The following MPDZ variants were observed in gnomAD, a reference collection of about 807,000 sequenced individuals.
MPDZ encodes the protein multiple PDZ domain crumbs cell polarity complex component, also known as multiple PDZ domain protein.
Under a neutral mutation model 239.1 loss-of-function variants are expected in MPDZ, and 234 were observed. That is an observed-to-expected ratio of 0.98 (90% CI 0.88 to 1.09). The LOEUF is 1.09. Ranked by LOEUF, MPDZ falls within the 50% of genes least tolerant of loss-of-function variation. The probability of loss-of-function intolerance (pLI) is 0.00; values close to 1 mark genes in which losing one functional copy is unlikely to be tolerated. For synonymous variants in MPDZ, 1,048 were observed against 881.3 expected (o/e 1.19, Z -3.35); for missense variants, 3,175 against 2,510.0 (o/e 1.26, Z -5.66).
At chr9:13,189,066 T>A (rs959910722) in intron 16 of MPDZ, 73 bp from the exon 17 acceptor site, 5 of 1,287,628 alleles carry the variant, frequency 3.9e-6, no homozygotes, top group Non-Finnish European at 1.1e-6. Flanking sequence ...CCACTCTAAA[T>A]CGTAACGAAT....
In MPDZ at chr9:13,136,320, GTTTTCTTT is replaced by G. The variant is rs1464078357; in HGVS notation, c.4293-146_4293-139del. Reference sequence around the variant, plus strand: ...CTGTGACACTTACAAATTTACAAACGTTTTCTTTTTTTTTTTTTTTTTTTTTTTTGAGA... The same window carrying G: ...CTGTGACACTTACAAATTTACAAACGTTTTTTTTTTTTTTTTTTTTTGAGA... On this transcript the variant is annotated intron_variant, in intron 30 of 46. Transcript: ENST00000319217. The G allele has an allele frequency of 2.1e-4, 41 of 194,642 alleles. 1 individual carries two copies. The highest frequency in any genetic ancestry group is 2.0e-4 in the Non-Finnish European group (24 of 121,122). The allele number at this position is 194,642 out of a possible 1,614,324, so 12.1% of individuals were successfully genotyped here.
chr9:13,129,437 T>G (rs1945612476), intron 32 of MPDZ, among the ~76,000 whole-genome samples: 1 of 151,476 alleles, frequency 6.6e-6, no homozygotes, highest in Non-Finnish European at 1.5e-5. Flanking sequence ...CATTCCAGCC[T>G]GGGCAACAGA....
chr9:13,272,441 T>C (rs188440346), intron 1 of MPDZ, among the ~76,000 whole-genome samples: 1 of 152,272 alleles, frequency 6.6e-6, no homozygotes, highest in Admixed American at 6.5e-5. Flanking sequence ...TGCTATAGTT[T>C]TGTAAAACAG....
chr9:13,270,743 C>G (rs1234805095), intron 1 of MPDZ, among the ~76,000 whole-genome samples: 2 of 152,092 alleles, frequency 1.3e-5, no homozygotes, highest in African/African-American at 2.4e-5. Context: ...ATGATATTTC[C>G]ATTGGCCAGA....
intron 37 of MPDZ, 34 bp downstream of exon 37, chr9:13,122,053 T>A (rs749178896): frequency 1.9e-6 from 3 of 1,611,164 alleles, no homozygotes; most frequent in Admixed American, 3.3e-5. Context: ...CTTTTCTCTG[T>A]TAATTTTGAA....
At chr9:13,255,135 A>G (rs1434435886) in intron 1 of MPDZ, among the ~76,000 whole-genome samples, 3 of 152,174 alleles carry the variant, frequency 2.0e-5, no homozygotes, top group Non-Finnish European at 2.9e-5. Context: ...CATACATTTC[A>G]TCTCAAGAAA....
chr9:13,147,992 T>C (rs1436111681), intron 25 of MPDZ, among the ~76,000 whole-genome samples: 1 of 152,070 alleles, frequency 6.6e-6, no homozygotes, highest in African/African-American at 2.4e-5. Context: ...GGGAACTATC[T>C]AGCAGCACTG....
chr9:13,151,302 T>C (rs1949136619), intron 24 of MPDZ, among the ~76,000 whole-genome samples: 1 of 152,094 alleles, frequency 6.6e-6, no homozygotes, highest in Non-Finnish European at 1.5e-5. Flanking sequence ...GCAATTCCAC[T>C]TGTGGGTATT....
rs181167450 is a variant in MPDZ at position 13,107,481 on chromosome 9, C to G, written c.6067-370G>C. Among the ~76,000 whole-genome samples, 578 of 152,190 alleles carry G rather than the reference C, an allele frequency of 3.8e-3. 2 individuals are homozygous for G. Among genetic ancestry groups the G allele is most frequent in the African/African-American group, 0.013 (541 of 41,528 alleles). On this transcript the variant is annotated intron_variant, in intron 46 of 46. Coordinates refer to ENST00000319217, the MANE Select transcript of MPDZ (RefSeq NM_001378778.1). ...TTTTCTATCCTGTAAATAAGACCTA[C>G]AGAAAGAAGGTAAAGGATTAGGTAG...
chr9:13,228,855 A>G (rs186525928), intron 3 of MPDZ, among the ~76,000 whole-genome samples: 27 of 152,328 alleles, frequency 1.8e-4, no homozygotes, highest in African/African-American at 6.5e-4. Context: ...GTGCAATTAT[A>G]AAATAAATAC....
At chr9:13,239,315 G>C (rs1387159588) in intron 3 of MPDZ, among the ~76,000 whole-genome samples, 1 of 152,098 alleles carries the variant, frequency 6.6e-6, no homozygotes. Context: ...TTAAGATCTA[G>C]GCTCTGGAGT....
chr9:13,254,600 T>A (rs1188099910), intron 1 of MPDZ, among the ~76,000 whole-genome samples: 1 of 152,196 alleles, frequency 6.6e-6, no homozygotes, highest in Non-Finnish European at 1.5e-5. Flanking sequence ...CAAGCATATC[T>A]GAGATATTGC....
chr9:13,223,993 C>T (rs754094746), intron 4 of MPDZ, among the ~76,000 whole-genome samples: 6 of 151,850 alleles, frequency 4.0e-5, no homozygotes, highest in Admixed American at 6.6e-5. Context: ...ATGATCACAA[C>T]ACTGCACTCC....
At chr9:13,251,429 C>CA (rs1967986143) in intron 1 of MPDZ, among the ~76,000 whole-genome samples, 1 of 152,148 alleles carries the variant, frequency 6.6e-6, no homozygotes, top group Non-Finnish European at 1.5e-5. Context: ...TTGCTAACAT[C>CA]CACGTCACTA....
chr9:13,123,716 A>C (rs768673752), intron 35 of MPDZ, among the ~76,000 whole-genome samples: 1 of 152,198 alleles, frequency 6.6e-6, no homozygotes, highest in Non-Finnish European at 1.5e-5. Flanking sequence ...GATATGTGGC[A>C]AAGACCTAGA....
At chr9:13,252,157 T>G (rs1047461424) in intron 1 of MPDZ, among the ~76,000 whole-genome samples, 2 of 152,168 alleles carry the variant, frequency 1.3e-5, no homozygotes, top group African/African-American at 4.8e-5. Context: ...AGGGAAATAT[T>G]AACAAATAAA....
At chr9:13,119,856 T>C (rs562013940) in intron 38 of MPDZ, 146 of 581,700 alleles carry the variant, frequency 2.5e-4, no homozygotes, top group Middle Eastern at 4.7e-4. Context: ...TAGATTAAAA[T>C]GATCTCCAAT....
intron 1 of MPDZ, among the ~76,000 whole-genome samples, chr9:13,259,418 C>A (rs1797247541): frequency 6.6e-6 from 1 of 152,164 alleles, no homozygotes; most frequent in African/African-American, 2.4e-5. Flanking sequence ...ACTGATTCTG[C>A]AAATACACAT....
intron 3 of MPDZ, among the ~76,000 whole-genome samples, chr9:13,237,441 CAAAAAAAAA>C (rs71331532): frequency 3.7e-5 from 2 of 54,692 alleles, no homozygotes; most frequent in Admixed American, 5.3e-4. Flanking sequence ...GACACTGTCT[CAAAAAAAAA>C]AAAAAAAAAA....
Sources: gnomAD v4.1 joint callset for allele counts (sites outside exome capture counted in the v4.1 genomes callset) on GRCh38, gnomAD v4.1.1 for gene constraint, MANE v1.5 for transcripts, NCBI Gene and HGNC (gene_info 2026-07-23, HGNC 2026-07-21) for gene names.